Variants in SLC14A2 observed in about 807,000 individuals in gnomAD.
SLC14A2 encodes the protein solute carrier family 14 member 2, also known as urea transporter 2.
SLC14A2 carries 91 observed loss-of-function variants against 104.6 expected under a neutral mutation model. The ratio of observed to expected loss-of-function variants is 0.87; its 90% CI spans 0.73 to 1.04. The LOEUF (loss-of-function observed/expected upper bound fraction) is 1.04. Among genes scored for constraint, SLC14A2 ranks in the 50% least tolerant of loss-of-function variants. The probability of loss-of-function intolerance (pLI) is 0.00; values close to 1 mark genes in which losing one functional copy is unlikely to be tolerated. For synonymous variants in SLC14A2, 476 were observed against 466.4 expected, an observed-to-expected ratio of 1.02 and a Z score of -0.27; for missense variants, 1,189 against 1,156.0, an observed-to-expected ratio of 1.03 and a Z score of -0.41.
intron 2 of SLC14A2, among the ~76,000 whole-genome samples, chr18:45,598,285 A>T (rs2044741471): frequency 6.6e-6 from 1 of 152,020 alleles, no homozygotes; most frequent in African/African-American, 2.4e-5. Context: ...GTTTGAAATG[A>T]TCTCTCTGTA....
intron 2 of SLC14A2, among the ~76,000 whole-genome samples, chr18:45,545,288 C>T (rs145529603): frequency 2.6e-5 from 4 of 152,310 alleles, no homozygotes; most frequent in Non-Finnish European, 5.9e-5. Flanking sequence ...ACATCCCCAT[C>T]GGGCCACATA....
chr18:45,208,211 T>A (rs1413582085), upstream of SLC14A2, among the ~76,000 whole-genome samples: 2 of 152,190 alleles, frequency 1.3e-5, no homozygotes, highest in African/African-American at 4.8e-5. Context: ...GGCTTGGAGA[T>A]CTAGAATTGC....
intron 1 of SLC14A2, among the ~76,000 whole-genome samples, chr18:45,346,647 G>T (rs1411680854): frequency 6.6e-6 from 1 of 152,108 alleles, no homozygotes; most frequent in Non-Finnish European, 1.5e-5. Flanking sequence ...TCAGACCTAG[G>T]CTGGGCGCAG....
At chr18:45,470,544 T>C (rs1230511827) in intron 1 of SLC14A2, among the ~76,000 whole-genome samples, 1 of 152,212 alleles carries the variant, frequency 6.6e-6, no homozygotes, top group African/African-American at 2.4e-5. Context: ...GTTTGTTATA[T>C]TTTAATTTGG....
intron 2 of SLC14A2, among the ~76,000 whole-genome samples, chr18:45,542,068 T>TGC (rs2043897394): frequency 7.3e-6 from 1 of 136,476 alleles, no homozygotes; most frequent in Non-Finnish European, 1.6e-5. Context: ...TTTTTTTTTT[T>TGC]TTTTGCTTTT....
chr18:45,528,306 T>C (rs2043628902), intron 2 of SLC14A2: 1 of 152,022 alleles, frequency 6.6e-6, no homozygotes, highest in Admixed American at 6.6e-5. Context: ...GAGGTGGATA[T>C]TTAAAGCTGC....
At chr18:45,278,089 C>T (rs185869095) in intron 1 of SLC14A2, among the ~76,000 whole-genome samples, 1 of 152,290 alleles carries the variant, frequency 6.6e-6, no homozygotes, top group East Asian at 1.9e-4. Flanking sequence ...CATTGTGACT[C>T]TGAGGTTTAG....
At chr18:45,609,853 T>G (rs1599061500) in intron 2 of SLC14A2, among the ~76,000 whole-genome samples, 1 of 152,192 alleles carries the variant, frequency 6.6e-6, no homozygotes, top group South Asian at 2.1e-4. Flanking sequence ...TAGGAAGCAG[T>G]GATTTAAATT....
chr18:45,240,799 A>T (rs1328605904), intron 1 of SLC14A2, among the ~76,000 whole-genome samples: 2 of 151,742 alleles, frequency 1.3e-5, no homozygotes, highest in African/African-American at 2.4e-5. Flanking sequence ...CTGAGATGAC[A>T]GGTGCCCGCC....
At chr18:45,525,766 T>C (rs888437) in intron 2 of SLC14A2, among the ~76,000 whole-genome samples, 1 of 151,998 alleles carries the variant, frequency 6.6e-6, no homozygotes, top group Non-Finnish European at 1.5e-5. Context: ...CTGGGACCCA[T>C]GAACATACAA....
At chr18:45,580,778 C>T (rs56010257) in intron 2 of SLC14A2, among the ~76,000 whole-genome samples, 13,004 of 152,150 alleles carry the variant, frequency 0.085, 745 homozygotes, top group Non-Finnish European at 0.13. Context: ...AGCTGAGATT[C>T]AGACTGAGGC....
chr18:45,478,100 G>C (rs575709320), intron 1 of SLC14A2, among the ~76,000 whole-genome samples: 19 of 152,324 alleles, frequency 1.2e-4, no homozygotes, highest in African/African-American at 4.1e-4. Context: ...TTGAAACCCA[G>C]GGCCCCGGTG....
chr18:45,362,922 C>T (rs1460981926), intron 1 of SLC14A2, among the ~76,000 whole-genome samples: 3 of 151,972 alleles, frequency 2.0e-5, no homozygotes, highest in African/African-American at 7.3e-5. Flanking sequence ...ATGCTAGGGA[C>T]AGATCTGCCA....
chr18:45,275,980 G>A (rs544125831), intron 1 of SLC14A2, among the ~76,000 whole-genome samples: 22 of 152,366 alleles, frequency 1.4e-4, no homozygotes, highest in Admixed American at 2.6e-4. Context: ...ACCTGTTTGC[G>A]AAGATGGCAT....
the SLC14A2 span, among the ~76,000 whole-genome samples, chr18:45,172,405 C>T: frequency 6.6e-6 from 1 of 152,126 alleles, no homozygotes; most frequent in Non-Finnish European, 1.5e-5. Context: ...GATTGAAAGT[C>T]ATGTTTCATC....
chr18:45,239,583 T>G (rs938879833), intron 1 of SLC14A2, among the ~76,000 whole-genome samples: 65 of 152,208 alleles, frequency 4.3e-4, no homozygotes, highest in African/African-American at 1.5e-3. Context: ...CAGAGACACA[T>G]GTTGTACAGC....
At chr18:45,463,968 G>A (rs2087092605) in intron 1 of SLC14A2, among the ~76,000 whole-genome samples, 1 of 152,182 alleles carries the variant, frequency 6.6e-6, no homozygotes, top group African/African-American at 2.4e-5. Flanking sequence ...TAATTTTTCT[G>A]ATTACCAGGA....
intron 1 of SLC14A2, among the ~76,000 whole-genome samples, chr18:45,451,147 G>A (rs2086850843): frequency 6.6e-6 from 1 of 152,168 alleles, no homozygotes. Context: ...GCACAGAGAG[G>A]TCAATATTGG....
intron 2 of SLC14A2, among the ~76,000 whole-genome samples, chr18:45,566,193 T>C (rs1008010338): frequency 1.3e-5 from 2 of 151,616 alleles, no homozygotes; most frequent in African/African-American, 4.9e-5. Flanking sequence ...CACTCCCAAC[T>C]CTATAATGTC....
Sources: gnomAD v4.1 joint callset for allele counts (sites outside exome capture counted in the v4.1 genomes callset) on GRCh38, gnomAD v4.1.1 for gene constraint, MANE v1.5 for transcripts, NCBI Gene and HGNC (gene_info 2026-07-23, HGNC 2026-07-21) for gene names.